UPRT: variants seen among roughly 807,000 people sequenced by gnomAD.
UPRT encodes the protein RP11-311P8.3.
Under a neutral mutation model 22.6 loss-of-function variants are expected in UPRT, and 5 were observed. The ratio of observed to expected loss-of-function variants is 0.22; its 90% CI spans 0.12 to 0.47. The LOEUF is 0.47. Among genes scored for constraint, UPRT ranks in the 20% least tolerant of loss-of-function variants. The pLI, the probability that UPRT is intolerant of heterozygous loss-of-function variation, is 0.99. For synonymous variants in UPRT, 77 were observed against 87.7 expected, an observed-to-expected ratio of 0.88 and a Z score of 0.68; for missense variants, 181 against 239.9, an observed-to-expected ratio of 0.75 and a Z score of 1.62.
At chrX:75,247,174 T>A (rs751912461) in intron 4 of UPRT, among the ~76,000 whole-genome samples, 22 of 111,512 alleles carry the variant, frequency 2.0e-4, no homozygotes, top group African/African-American at 6.8e-4. Context: ...ATGGGTGATT[T>A]CTGCATTTCC....
Position 75,293,531 on chromosome X carries a change from C to T in UPRT, c.429+17C>T. 8.4e-7 allele frequency: 1 copy of T among 1,189,582 alleles called. No individual in the cohort carries two copies. The highest frequency in any genetic ancestry group is 1.1e-6 in the Non-Finnish European group (1 of 886,617). ...GATCGTTTGGTAGGTGGGGGCTTTT[C>T]ATTTTCATTTCATTGTTTTGCCTAG... On this transcript the variant is annotated intron_variant, in intron 2 of 6. Transcript: ENST00000373383.
chrX:75,177,949 C>T (rs781325778), intron 4 of UPRT, among the ~76,000 whole-genome samples: 5 of 112,322 alleles, frequency 4.5e-5, no homozygotes, highest in Non-Finnish European at 9.4e-5. Flanking sequence ...GTTTCTCTGG[C>T]AGGCATTAGG....
chrX:75,272,736 T>TA (rs201291821), upstream of UPRT, among the ~76,000 whole-genome samples: 65 of 102,712 alleles, frequency 6.3e-4, no homozygotes, highest in East Asian at 2.8e-3. Context: ...CCTATGGAAA[T>TA]AAAAAAAAAA....
chrX:75,166,092 A>G (rs1328003665), intron 3 of UPRT, among the ~76,000 whole-genome samples: 1 of 111,925 alleles, frequency 8.9e-6, no homozygotes, highest in Non-Finnish European at 1.9e-5. Flanking sequence ...ATACCAGAAT[A>G]TCCTCGGACA....
At chrX:75,284,913 A>G (rs893340147) in intron 1 of UPRT, among the ~76,000 whole-genome samples, 1 of 110,823 alleles carries the variant, frequency 9.0e-6, no homozygotes, top group African/African-American at 3.3e-5. Flanking sequence ...GGGAAGGAAC[A>G]TTAGGTGGGG....
intron 4 of UPRT, among the ~76,000 whole-genome samples, chrX:75,231,638 AAC>A (rs1390755425): frequency 8.9e-6 from 1 of 111,923 alleles, no homozygotes; most frequent in African/African-American, 3.3e-5. Context: ...ATCACCTAGG[AAC>A]ACAGTCATCA....
intron 4 of UPRT, among the ~76,000 whole-genome samples, chrX:75,203,481 GACACACACACACACACACAC>G (rs56145702): frequency 4.4e-5 from 4 of 91,265 alleles, no homozygotes; most frequent in Non-Finnish European, 8.7e-5. Flanking sequence ...AAGGGTTAAA[GACACACACACACACACACAC>G]ACACACACAC....
intron 4 of UPRT, among the ~76,000 whole-genome samples, chrX:75,199,036 A>G (rs1417173511): frequency 8.9e-6 from 1 of 112,139 alleles, no homozygotes; most frequent in Admixed American, 9.4e-5. Flanking sequence ...AACTGGATTT[A>G]CAGCAAACCT....
chrX:75,215,079 T>C (rs891190197), intron 4 of UPRT, among the ~76,000 whole-genome samples: 10 of 111,690 alleles, frequency 9.0e-5, no homozygotes, highest in African/African-American at 2.9e-4. Flanking sequence ...GAATGTATAC[T>C]TATCTCCAAA....
intron 4 of UPRT, among the ~76,000 whole-genome samples, chrX:75,191,157 G>A (rs1185964533): frequency 8.9e-6 from 1 of 112,078 alleles, no homozygotes; most frequent in Non-Finnish European, 1.9e-5. Context: ...TGGGGTTTTG[G>A]TGTGGATGTC....
intron 4 of UPRT, among the ~76,000 whole-genome samples, chrX:75,230,363 G>A (rs1008035123): frequency 1.8e-5 from 2 of 110,950 alleles, no homozygotes; most frequent in East Asian, 5.7e-4. Flanking sequence ...ATAAGCTATT[G>A]GGAGCTGTAT....
intron 4 of UPRT, among the ~76,000 whole-genome samples, chrX:75,236,178 T>C (rs180879424): frequency 1.6e-4 from 18 of 111,515 alleles, no homozygotes; most frequent in African/African-American, 5.5e-4. Flanking sequence ...AGCCAAATCA[T>C]GATTGAACTC....
intron 4 of UPRT, among the ~76,000 whole-genome samples, chrX:75,251,393 T>C (rs914791221): frequency 9.0e-6 from 1 of 111,158 alleles, no homozygotes; most frequent in African/African-American, 3.3e-5. Context: ...TGTGCAAAAA[T>C]CACAAGCATT....
chrX:75,234,605 T>A (rs2082453057), intron 4 of UPRT, among the ~76,000 whole-genome samples: 1 of 111,456 alleles, frequency 9.0e-6, no homozygotes, highest in African/African-American at 3.3e-5. Context: ...CACATTGCAA[T>A]CAAACTGGAA....
At chrX:75,261,423 A>G (rs1353969098) in intron 4 of UPRT, among the ~76,000 whole-genome samples, 1 of 112,141 alleles carries the variant, frequency 8.9e-6, no homozygotes, top group Non-Finnish European at 1.9e-5. Context: ...TCTAGAAGAA[A>G]TGGATAAATT....
At chrX:75,260,116 T>G (rs2082562853) in intron 4 of UPRT, among the ~76,000 whole-genome samples, 1 of 111,512 alleles carries the variant, frequency 9.0e-6, no homozygotes, top group African/African-American at 3.3e-5. Flanking sequence ...GCACTCAACA[T>G]GAAAAGAAAC....
In UPRT at chrX:75,225,123, G is replaced by C. The variant is rs966437525; in HGVS notation, c.-447+57244G>C. On this transcript the variant is annotated intron_variant, in intron 4 of 13. Transcript: ENST00000652605. ...CACTGCCTCAAAAATCAAGGAAAGG[G>C]CTATTGGGTCCCCAGTATTCTCAGC... Among the ~76,000 whole-genome samples the C allele has an allele frequency of 2.7e-5, 3 of 110,843 alleles. No individual in the cohort carries two copies. In the Admixed American group the frequency reaches 2.9e-4, roughly 11 times the overall value.
chrX:75,184,361 C>T (rs1395193034), intron 4 of UPRT, among the ~76,000 whole-genome samples: 1 of 109,255 alleles, frequency 9.2e-6, no homozygotes, highest in Non-Finnish European at 1.9e-5. Context: ...TCTGAGGGCT[C>T]TGTTCTGTTC....
At chrX:75,272,309 T>TATAC (rs1335844715), upstream of UPRT, among the ~76,000 whole-genome samples, 1 of 12,784 alleles carries the variant, frequency 7.8e-5, no homozygotes, top group African/African-American at 9.6e-5. Context: ...TGTATATATA[T>TATAC]GTGTATATAT....
Sources: allele counts gnomAD v4.1 joint callset (sites outside exome capture counted in the v4.1 genomes callset), GRCh38; gene constraint gnomAD v4.1.1; transcripts MANE v1.5; gene names NCBI Gene and HGNC (gene_info 2026-07-23, HGNC 2026-07-21).